The following DACT2 variants were observed in gnomAD, a reference collection of about 807,000 sequenced individuals.
DACT2 encodes dishevelled binding antagonist of beta catenin 2, also known as dapper homolog 2.
A neutral mutation model predicts 22.2 loss-of-function variants in DACT2; 20 were observed. The ratio of observed to expected loss-of-function variants is 0.90; its 90% CI spans 0.63 to 1.31. DACT2 has a LOEUF of 1.31. DACT2 is among the 50% of genes most tolerant of loss of function. The probability of loss-of-function intolerance (pLI) is 0.00; values close to 1 mark genes in which losing one functional copy is unlikely to be tolerated. For synonymous variants in DACT2, 463 were observed against 479.8 expected (o/e 0.96, Z 0.46); for missense variants, 1,048 against 1,061.4 (o/e 0.99, Z 0.18).
At chr6:168,297,799 A>G (rs1779032674) in intron 3 of DACT2, among the ~76,000 whole-genome samples, 1 of 152,270 alleles carries the variant, frequency 6.6e-6, no homozygotes, top group East Asian at 1.9e-4. Flanking sequence ...AGAGTCCATC[A>G]TTAGAGGAAT....
rs1779258280 is a variant in DACT2, at chr6:168,307,859, C to T, written c.1898G>A (p.Arg633Lys). 4 of 1,538,998 alleles carry T rather than the reference C, an allele frequency of 2.6e-6. No individual in the cohort carries two copies. Among genetic ancestry groups the T allele is most frequent in the Non-Finnish European group, 3.5e-6 (4 of 1,145,932 alleles). The change falls in exon 4 of 4, where the codon AGG (arginine) becomes AAG (lysine). Residue 633 changes from arginine (R) to lysine (K), a missense_variant. By Grantham distance (26) the Arg-to-Lys change is conservative. Transcript: ENST00000366795. The surrounding 1 kb of genome is among the most constrained non-coding windows in gnomAD (Gnocchi z 5.3). ...GCCACCTGCTCTCCTGGCCACGGGC[C>T]TGGGGGGCCCCAGGTTAGACTCAGG... ...SCPESNLGPP[R>K]PVARRAGGPL...
Position 168,307,438 on chromosome 6 carries a change from C to G in DACT2, c.2319G>C (p.Met773Ile). Residue 773 changes from methionine (M) to isoleucine (I), a missense_variant, in exon 4 of 4, where the codon ATG becomes ATC. Transcript: ENST00000366795. The surrounding 1 kb of genome is among the most constrained non-coding windows in gnomAD (Gnocchi z 5.3). ...TTGACGCAGTCACTGCACCTCACAC[C>G]ATGGTCATGACCTTCAGGGCCGTCG... ...FQPTALKVMT[M>I]V 1 of 1,551,670 alleles carries G rather than the reference C, an allele frequency of 6.4e-7. No homozygotes were observed. Among genetic ancestry groups the G allele is most frequent in the Non-Finnish European group, 8.7e-7 (1 of 1,146,982 alleles).
chr6:168,295,632 A>C (rs1778995263), intron 3 of DACT2, among the ~76,000 whole-genome samples: 1 of 152,238 alleles, frequency 6.6e-6, no homozygotes, highest in Admixed American at 6.5e-5. Flanking sequence ...ACTGACATGA[A>C]GACTTGTTAT....
At chr6:168,315,179 G>A (rs770007391) in intron 1 of DACT2, among the ~76,000 whole-genome samples, 29 of 152,294 alleles carry the variant, frequency 1.9e-4, no homozygotes, top group African/African-American at 5.3e-4. Flanking sequence ...ATGTCAAGAC[G>A]GGGAAATTCT....
intron 4 of DACT2, chr6:168,294,484 A>G (rs1778970176): frequency 5.2e-6 from 3 of 580,180 alleles, no homozygotes. Flanking sequence ...CCCACCCCAC[A>G]ACAGGCCCCG....
At chr6:168,304,096 T>C (rs62424993), downstream of DACT2, among the ~76,000 whole-genome samples, 26,948 of 152,118 alleles carry the variant, frequency 0.18, 3,181 homozygotes, top group African/African-American at 0.34. Flanking sequence ...TTTTAATCAC[T>C]TGAGAGAGAG....
intron 1 of DACT2, among the ~76,000 whole-genome samples, chr6:168,315,687 C>T (rs1779524469): frequency 6.6e-6 from 1 of 152,208 alleles, no homozygotes; most frequent in African/African-American, 2.4e-5. Context: ...TGCTATTTTC[C>T]TGACTGTTTA....
downstream of DACT2, among the ~76,000 whole-genome samples, chr6:168,304,985 C>G (rs1389885782): frequency 6.6e-6 from 1 of 152,196 alleles, no homozygotes; most frequent in Non-Finnish European, 1.5e-5. Flanking sequence ...CTGGCAAGGC[C>G]TTGGGCCTCA....
At chr6:168,311,651 C>CACAA (rs2114914249) in intron 1 of DACT2, among the ~76,000 whole-genome samples, 2 of 150,916 alleles carry the variant, frequency 1.3e-5, no homozygotes, top group South Asian at 2.1e-4. Flanking sequence ...CACACTCACA[C>CACAA]ACACACCCAT....
In DACT2 at chr6:168,307,380, A is replaced by G; in HGVS notation, c.*52T>C. The G allele has an allele frequency of 6.5e-7, 1 of 1,544,892 alleles. No homozygotes were observed. Among genetic ancestry groups the G allele is most frequent in the Non-Finnish European group, 8.7e-7 (1 of 1,144,284 alleles). ...AACCCAGACATGCACAGGACACTGC[A>G]TGGAAAGGGCCCCTGTGTGCAGCAG... On this transcript the variant is annotated 3_prime_UTR_variant, in exon 4 of 4. Transcript: ENST00000366795. This position sits in a 1 kb window ranked among gnomAD's most constrained non-coding sequence, Gnocchi z 5.3.
chr6:168,315,572 T>C (rs1779521425), intron 1 of DACT2, among the ~76,000 whole-genome samples: 1 of 152,230 alleles, frequency 6.6e-6, no homozygotes, highest in East Asian at 1.9e-4. Context: ...GTCACTCATC[T>C]ATTTATTCAG....
chr6:168,302,460 C>T (rs1007573128), downstream of DACT2, among the ~76,000 whole-genome samples: 2 of 152,160 alleles, frequency 1.3e-5, no homozygotes, highest in African/African-American at 4.8e-5. Flanking sequence ...TCCAGGGCAC[C>T]TTTTGATGTG....
At position 168,308,915 on chromosome 6, in the gene DACT2, G is replaced by A. The variant is rs748084264; in HGVS notation, c.842C>T (p.Ala281Val). The change falls in exon 4 of 4, where the codon GCC becomes GTC. Residue 281 changes from alanine (A) to valine (V), a missense_variant. By Grantham distance (64) the Ala-to-Val change is moderately conservative. Coordinates refer to ENST00000366795, the MANE Select transcript of DACT2 (RefSeq NM_214462.5). ...EVYPYPSPLHAVALQSPLFVL... is the reference protein window; with the variant it reads ...EVYPYPSPLHVVALQSPLFVL... ...AAACAGGGGGCTCTGTAGAGCCACG[G>A]CGTGCAGGGGGCTGGGGTACGGGTA... 21 of 1,550,542 alleles carry A rather than the reference G, an allele frequency of 1.4e-5. No homozygotes were observed. Among genetic ancestry groups the A allele is most frequent in the Non-Finnish European group, 1.7e-5 (20 of 1,146,900 alleles).
At chr6:168,293,385 T>C (rs1778945726) in exon 6 of DACT2, 1 of 153,486 alleles carries the variant, frequency 6.5e-6, no homozygotes, top group Admixed American at 6.5e-5. Flanking sequence ...AAACTGGAAC[T>C]TTTCCTAGCC....
In DACT2 at chr6:168,294,131, A is replaced by G. The variant is rs1044576266; in HGVS notation, c.795+2T>C. The stretch of plus-strand genomic sequence containing the variant: ...CACAGACAGTGAGCATGGAGCACTT[A>G]CCACTGAGCAGAAAGGGAGCTGACA... On this transcript the variant is annotated splice_donor_variant, in intron 5 of 5. Transcript: ENST00000366796. LOFTEE classifies it high-confidence loss of function. 7.1e-6 allele frequency: 5 copies of G among 702,858 alleles called. No homozygotes were observed. The highest frequency in any genetic ancestry group is 5.2e-5 in the African/African-American group (3 of 57,234). 43.5% of individuals were successfully genotyped at this position (702,858 alleles called of 1,614,324 possible). A position where few individuals can be genotyped will look rare whatever the true frequency, so the allele number is the denominator to read the frequency against.
At position 168,307,840 on chromosome 6, in the gene DACT2, T is replaced by A; in HGVS notation, c.1917A>T (p.Ala639=). 6.5e-7 allele frequency: 1 copy of A among 1,538,306 alleles called. No homozygotes were observed. Among genetic ancestry groups the A allele is most frequent in the African/African-American group, 1.4e-5 (1 of 73,062 alleles). The change falls in exon 4 of 4, where the codon GCA becomes GCT. Residue 639 remains alanine (A), a synonymous_variant. Transcript: ENST00000366795. The surrounding 1 kb of genome is among the most constrained non-coding windows in gnomAD (Gnocchi z 5.3). ...LGPPRPVARR[A]GGPLARGRPS... ...GACGGCCCCGGGCCAGTGGGCCACCTGCTCTCCTGGCCACGGGCCTGGGGG... is the reference window on the plus strand; with the variant it reads ...GACGGCCCCGGGCCAGTGGGCCACCAGCTCTCCTGGCCACGGGCCTGGGGG...
At position 168,306,986 on chromosome 6, in the gene DACT2, G is replaced by T; in HGVS notation, c.*446C>A. 2.0e-6 allele frequency: 2 copies of T among 998,058 alleles called. No homozygotes were observed. The highest frequency in any genetic ancestry group is 2.4e-6 in the Non-Finnish European group (2 of 837,436). 61.8% of individuals were successfully genotyped at this position (998,058 alleles called of 1,614,324 possible). On this transcript the variant is annotated 3_prime_UTR_variant, in exon 4 of 4. Transcript: ENST00000366795. ...TTGTGTATGCTGACAGCTTAACGTG[G>T]AGTTTAAACTCAAATTCAATTTCCA...
At chr6:168,310,035 C>T (rs1417117625) in intron 3 of DACT2, 133 bp downstream of exon 3, 2 of 1,385,272 alleles carry the variant, frequency 1.4e-6, no homozygotes, top group Admixed American at 6.3e-5. Flanking sequence ...CCACGGAGGC[C>T]TTCCAGCGTC....
At chr6:168,303,723 TAG>T (rs1203540752), downstream of DACT2, among the ~76,000 whole-genome samples, 1 of 152,238 alleles carries the variant, frequency 6.6e-6, no homozygotes, top group East Asian at 1.9e-4. Context: ...CAAGAGGATG[TAG>T]AGAGAAAACT....
Sources: allele counts gnomAD v4.1 joint callset (sites outside exome capture counted in the v4.1 genomes callset), GRCh38; gene constraint gnomAD v4.1.1; non-coding constraint Gnocchi (gnomAD v3.1); transcripts MANE v1.5; gene names NCBI Gene and HGNC (gene_info 2026-07-23, HGNC 2026-07-21).